The following RBM20 variants were observed in gnomAD, a reference collection of about 807,000 sequenced individuals.
The protein encoded by RBM20 is RNA binding motif protein 20.
Under a neutral mutation model 110.1 loss-of-function variants are expected in RBM20, and 51 were observed. The observed-to-expected ratio is 0.46, with a 90% CI of 0.37 to 0.59. The LOEUF (loss-of-function observed/expected upper bound fraction) is 0.59. Ranked by LOEUF, RBM20 falls within the 20% of genes least tolerant of loss-of-function variation. The probability of loss-of-function intolerance (pLI) is 0.00; values close to 1 mark genes in which losing one functional copy is unlikely to be tolerated. For synonymous variants in RBM20, 589 were observed against 618.2 expected (o/e 0.95, Z 0.70); for missense variants, 1,512 against 1,574.9 (o/e 0.96, Z 0.68).
chr10:110,745,629 T>C (rs1843771012), intron 1 of RBM20, among the ~76,000 whole-genome samples: 1 of 152,110 alleles, frequency 6.6e-6, no homozygotes, highest in Admixed American at 6.5e-5. Flanking sequence ...TGCATACGTA[T>C]CTTCTCCAAT....
chr10:110,695,103 G>T (rs916457828), intron 1 of RBM20, among the ~76,000 whole-genome samples: 1 of 152,114 alleles, frequency 6.6e-6, no homozygotes, highest in Non-Finnish European at 1.5e-5. Context: ...TTACGATATC[G>T]TCAGGCAGTG....
chr10:110,812,277 G>T lies in RBM20; in HGVS notation c.1881-1G>T. The stretch of plus-strand genomic sequence containing the variant: ...AATCCTGCTCCTTGGCTCCCTCACA[G>T]ATATGGCCCAGAAAGGCCGCGGTCT... On this transcript the variant is annotated splice_acceptor_variant, in intron 8 of 13. Coordinates refer to ENST00000369519, the MANE Select transcript of RBM20 (RefSeq NM_001134363.3). LOFTEE classifies it high-confidence loss of function. The T allele has an allele frequency of 1.3e-6, 2 of 1,541,198 alleles. No homozygotes were observed. Among genetic ancestry groups the T allele is most frequent in the Non-Finnish European group, 8.8e-7 (1 of 1,141,178 alleles).
intron 1 of RBM20, among the ~76,000 whole-genome samples, chr10:110,765,913 C>A (rs913228842): frequency 1.3e-5 from 2 of 152,078 alleles, no homozygotes; most frequent in African/African-American, 2.4e-5. Context: ...ACTTGCCCTT[C>A]CCCCACATGC....
intron 7 of RBM20, among the ~76,000 whole-genome samples, chr10:110,803,497 A>G (rs1029911823): frequency 2.0e-5 from 3 of 152,178 alleles, no homozygotes; most frequent in Non-Finnish European, 2.9e-5. Context: ...TATCTAGGGT[A>G]GTGCTGTTAT....
intron 7 of RBM20, among the ~76,000 whole-genome samples, chr10:110,806,696 T>C (rs1844699882): frequency 6.6e-6 from 1 of 152,186 alleles, no homozygotes; most frequent in Non-Finnish European, 1.5e-5. Context: ...GGGTAATGGA[T>C]TCTTCGGGGT....
chr10:110,819,604 G>A (rs1264202218), intron 9 of RBM20, among the ~76,000 whole-genome samples: 2 of 152,208 alleles, frequency 1.3e-5, no homozygotes, highest in Non-Finnish European at 2.9e-5. Flanking sequence ...GCAACAGAAA[G>A]GTGTGAGGGC....
At chr10:110,722,277 T>TA (rs1418388249) in intron 1 of RBM20, among the ~76,000 whole-genome samples, 1 of 152,160 alleles carries the variant, frequency 6.6e-6, no homozygotes. Context: ...TTAGAGAAGT[T>TA]TTAAGTTCAC....
rs559040957 is a variant in RBM20, at chr10:110,644,497, G to A, written c.43G>A (p.Gly15Ser). The A allele has an allele frequency of 5.3e-6, 8 of 1,523,578 alleles. No homozygotes were observed. Among genetic ancestry groups the A allele is most frequent in the Non-Finnish European group, 7.0e-6 (8 of 1,139,440 alleles). 94.4% of individuals were successfully genotyped at this position (1,523,578 alleles called of 1,614,324 possible). ...CATGAGCCAGGACGCGGACCCCAGCGGTCCGGAGCAGCCGGACAGAGTTGC... is the reference window on the plus strand; with the variant it reads ...CATGAGCCAGGACGCGGACCCCAGCAGTCCGGAGCAGCCGGACAGAGTTGC... ...AAMSQDADPS[G>S]PEQPDRVACS... The change falls in exon 1 of 14, where the codon GGT becomes AGT. Residue 15 changes from glycine (G) to serine (S), a missense_variant. This residue lies in a region of RBM20 where 1,149 missense variants were observed against 1,169.4 expected (regional missense o/e 0.98). Transcript: ENST00000369519. The surrounding 1 kb of genome is among the most constrained non-coding windows in gnomAD (Gnocchi z 4.3).
At chr10:110,701,898 G>A (rs985287039) in intron 1 of RBM20, among the ~76,000 whole-genome samples, 2 of 152,198 alleles carry the variant, frequency 1.3e-5, no homozygotes, top group African/African-American at 4.8e-5. Context: ...GAGAGCTAAC[G>A]GGGGATTATC....
chr10:110,674,740 T>C (rs1862313178), intron 1 of RBM20, among the ~76,000 whole-genome samples: 1 of 152,240 alleles, frequency 6.6e-6, no homozygotes, highest in Non-Finnish European at 1.5e-5. Context: ...GCTGTCGATG[T>C]ACTATATTTT....
At chr10:110,715,388 C>T (rs764709613) in intron 1 of RBM20, among the ~76,000 whole-genome samples, 2 of 152,250 alleles carry the variant, frequency 1.3e-5, no homozygotes, top group African/African-American at 2.4e-5. Context: ...ACACTGTCTG[C>T]AGCACTTTCA....
Position 110,781,895 on chromosome 10 carries a change from C to G in RBM20, c.1275+11C>G. ...GTGTTTGATTTGAAGGTGAGTTGTC[C>G]AAGACAGGCTGGGAGCCACAGCTAG... On this transcript the variant is annotated intron_variant, in intron 2 of 13. Transcript: ENST00000369519. 6.4e-7 allele frequency: 1 copy of G among 1,551,702 alleles called. No homozygotes were observed. The highest frequency in any genetic ancestry group is 1.2e-5 in the South Asian group (1 of 84,046).
At chr10:110,775,271 G>A (rs1021326697) in intron 1 of RBM20, among the ~76,000 whole-genome samples, 1 of 152,206 alleles carries the variant, frequency 6.6e-6, no homozygotes, top group African/African-American at 2.4e-5. Flanking sequence ...AAGAAGAAAT[G>A]GCGCATTCAC....
intron 13 of RBM20, among the ~76,000 whole-genome samples, chr10:110,834,002 A>G: frequency 6.6e-6 from 1 of 152,168 alleles, no homozygotes; most frequent in East Asian, 1.9e-4. Context: ...TGGGGACCAG[A>G]GGTTGCTCCT....
chr10:110,763,323 A>G (rs1321471291), intron 1 of RBM20, among the ~76,000 whole-genome samples: 2 of 152,150 alleles, frequency 1.3e-5, no homozygotes, highest in East Asian at 3.9e-4. Flanking sequence ...CCAAGGGGCT[A>G]AGTTAAAATA....
intron 1 of RBM20, among the ~76,000 whole-genome samples, chr10:110,761,650 C>T (rs1002250463): frequency 7.2e-5 from 11 of 152,328 alleles, no homozygotes; most frequent in South Asian, 4.1e-4. Context: ...TGTCCCCACA[C>T]GTGGGGTGTA....
intron 5 of RBM20, 106 bp from the exon 6 acceptor site, chr10:110,797,401 GT>G (rs1189632502): frequency 8.7e-7 from 1 of 1,149,474 alleles, no homozygotes; most frequent in Non-Finnish European, 1.2e-6. Flanking sequence ...GTAAATTATA[GT>G]TTTACAATCA....
At chr10:110,656,263 G>A (rs376125986) in intron 1 of RBM20, among the ~76,000 whole-genome samples, 3 of 152,010 alleles carry the variant, frequency 2.0e-5, no homozygotes, top group South Asian at 2.1e-4. Context: ...TGTGGAGATA[G>A]CGCCATTGCA....
At chr10:110,737,153 G>A (rs1564830135) in intron 1 of RBM20, among the ~76,000 whole-genome samples, 1 of 108,024 alleles carries the variant, frequency 9.3e-6, no homozygotes, top group Non-Finnish European at 1.9e-5. Context: ...CTCCAGCCTG[G>A]GCAAGAAGAG....
Sources: allele counts gnomAD v4.1 joint callset (sites outside exome capture counted in the v4.1 genomes callset), GRCh38; gene constraint gnomAD v4.1.1; regional missense constraint gnomAD v4.1.1; non-coding constraint Gnocchi (gnomAD v3.1); transcripts MANE v1.5; gene names NCBI Gene and HGNC (gene_info 2026-07-23, HGNC 2026-07-21).